The following MYLK variants were observed in gnomAD, a reference collection of about 807,000 sequenced individuals.
The protein encoded by MYLK is myosin light chain kinase.
In MYLK, 106 loss-of-function variants were observed where a neutral mutation model predicts 203.4. The ratio of observed to expected loss-of-function variants is 0.52; its 90% CI spans 0.45 to 0.61. MYLK has a LOEUF of 0.61. MYLK is among the 20% of genes least tolerant of loss of function. The pLI, the probability that MYLK is intolerant of heterozygous loss-of-function variation, is 0.00. For synonymous variants in MYLK, 867 were observed against 959.5 expected (o/e 0.90, Z 1.78); for missense variants, 2,072 against 2,442.3 (o/e 0.85, Z 3.20).
At chr3:123,703,650 G>A (rs1192525354) in intron 16 of MYLK, among the ~76,000 whole-genome samples, 1 of 151,864 alleles carries the variant, frequency 6.6e-6, no homozygotes, top group African/African-American at 2.4e-5. Context: ...CACTTAAAAA[G>A]GCTTATGGAC....
chr3:123,677,312 C>G (rs1037402148), intron 20 of MYLK, among the ~76,000 whole-genome samples: 6 of 152,176 alleles, frequency 3.9e-5, no homozygotes, highest in African/African-American at 1.2e-4. Flanking sequence ...GCAAGGAAGC[C>G]CAAGTCCAGA....
rs958466550 is a variant in MYLK at position 123,856,199 on chromosome 3, T to C, written c.-127+20360A>G. ...ATCTATGACACTTCAGTAGTTTTTC[T>C]TCCTCTTTACCTGGAAAGGAACGCT... is the stretch of plus-strand genomic sequence containing the variant. On this transcript the variant is annotated intron_variant, in intron 2 of 33. Coordinates refer to ENST00000360304, the MANE Select transcript of MYLK (RefSeq NM_053025.4). 4.6e-5 allele frequency among the ~76,000 whole-genome samples: 7 copies of C among 152,220 alleles called. No individual in the cohort carries two copies. In the East Asian group the frequency reaches 1.3e-3, roughly 29 times the overall value.
chr3:123,852,912 C>T (rs2030979678), intron 2 of MYLK, among the ~76,000 whole-genome samples: 1 of 152,140 alleles, frequency 6.6e-6, no homozygotes, highest in South Asian at 2.1e-4. Flanking sequence ...ACCTCGTCTC[C>T]AGTCTCCCCA....
At chr3:123,735,911 C>T (rs977444627) in intron 8 of MYLK, 4 of 159,058 alleles carry the variant, frequency 2.5e-5, no homozygotes, top group Admixed American at 5.9e-5. Flanking sequence ...GCCATCACCA[C>T]GATTAAGGAG....
chr3:123,806,847 T>C (rs1451024057), intron 3 of MYLK, among the ~76,000 whole-genome samples: 1 of 151,932 alleles, frequency 6.6e-6, no homozygotes, highest in African/African-American at 2.4e-5. Context: ...GTATTTTTAG[T>C]AGAGATGGGG....
intron 3 of MYLK, among the ~76,000 whole-genome samples, chr3:123,812,540 G>T (rs1157178411): frequency 2.0e-5 from 3 of 152,180 alleles, no homozygotes; most frequent in African/African-American, 7.2e-5. Flanking sequence ...CTTAACTAGA[G>T]ACTTAAAACA....
intron 4 of MYLK, among the ~76,000 whole-genome samples, chr3:123,786,346 T>C (rs1029907143): frequency 3.3e-5 from 5 of 151,114 alleles, no homozygotes; most frequent in African/African-American, 4.9e-5. Flanking sequence ...GTCTCATATA[T>C]ATATAAAAGT....
intron 4 of MYLK, among the ~76,000 whole-genome samples, chr3:123,787,961 G>A (rs1489448007): frequency 6.6e-6 from 1 of 152,192 alleles, no homozygotes; most frequent in Non-Finnish European, 1.5e-5. Context: ...TACAGCAGAT[G>A]GAAGAAGGGA....
intron 20 of MYLK, among the ~76,000 whole-genome samples, chr3:123,669,174 C>G (rs1000587200): frequency 2.6e-5 from 4 of 152,254 alleles, no homozygotes; most frequent in Non-Finnish European, 5.9e-5. Context: ...ACTGAGATCA[C>G]CGAGCTGATG....
intron 5 of MYLK, among the ~76,000 whole-genome samples, chr3:123,747,710 C>T (rs2063064911): frequency 6.6e-6 from 1 of 152,214 alleles, no homozygotes; most frequent in Admixed American, 6.5e-5. Context: ...TGTGCACATG[C>T]ATTTGCACTA....
chr3:123,882,026 C>G (rs887035257), intron 1 of MYLK, among the ~76,000 whole-genome samples: 1 of 152,204 alleles, frequency 6.6e-6, no homozygotes, highest in Non-Finnish European at 1.5e-5. Context: ...ACCAGTTAGC[C>G]TAGGAATGTT....
At chr3:123,878,189 C>A (rs529969765) in intron 1 of MYLK, among the ~76,000 whole-genome samples, 4 of 152,210 alleles carry the variant, frequency 2.6e-5, no homozygotes, top group Admixed American at 6.5e-5. Flanking sequence ...ACTACCCTTA[C>A]GACCACAGCA....
intron 33 of MYLK, among the ~76,000 whole-genome samples, chr3:123,615,357 A>AGAGT (rs1441507434): frequency 2.0e-5 from 3 of 151,700 alleles, no homozygotes; most frequent in African/African-American, 7.2e-5. Flanking sequence ...TTTTTGAGAC[A>AGAGT]GAGTCTCACT....
At chr3:123,666,830 G>A (rs820325) in intron 21 of MYLK, 426,887 of 573,192 alleles carry the variant, frequency 0.74, 173,280 homozygotes, top group Non-Finnish European at 0.88. Flanking sequence ...GTAGGGCAGA[G>A]GATGGACAGC....
intron 2 of MYLK, among the ~76,000 whole-genome samples, chr3:123,857,778 C>A (rs1194575468): frequency 1.3e-5 from 2 of 151,130 alleles, no homozygotes; most frequent in Non-Finnish European, 2.9e-5. Flanking sequence ...ACACATGTAC[C>A]CTAAAACTTA....
chr3:123,805,901 G>A lies in MYLK; in HGVS notation c.-3-12057C>T, dbSNP rs78018259. Among the ~76,000 whole-genome samples, 93 of 152,244 alleles carry A rather than the reference G, an allele frequency of 6.1e-4. 2 individuals are homozygous for A. The South Asian group carries it at 0.011, about 18-fold the overall frequency. On this transcript the variant is annotated intron_variant, in intron 3 of 33. Coordinates refer to ENST00000360304, the MANE Select transcript of MYLK (RefSeq NM_053025.4). ...ACTCAATACATTGTAACTGTAATAA[G>A]TAATTTCTAACCATGTCTGGCATGT...
chr3:123,679,436 C>T (rs1231414432), intron 20 of MYLK, among the ~76,000 whole-genome samples: 1 of 152,028 alleles, frequency 6.6e-6, no homozygotes, highest in Non-Finnish European at 1.5e-5. Flanking sequence ...AGGGTACAGG[C>T]TTCTGAAGGA....
At chr3:123,631,770 C>T (rs1000047621) in intron 29 of MYLK, among the ~76,000 whole-genome samples, 10 of 152,120 alleles carry the variant, frequency 6.6e-5, no homozygotes, top group Middle Eastern at 3.4e-3. Context: ...GAATCATTCT[C>T]GGTCATGTCC....
At chr3:123,835,254 G>T (rs1392525059) in intron 2 of MYLK, among the ~76,000 whole-genome samples, 1 of 152,202 alleles carries the variant, frequency 6.6e-6, no homozygotes, top group Admixed American at 6.5e-5. Flanking sequence ...TCCTCCAGGT[G>T]ACTCTGATGC....
Sources: gnomAD v4.1 joint callset for allele counts (sites outside exome capture counted in the v4.1 genomes callset) on GRCh38, gnomAD v4.1.1 for gene constraint, MANE v1.5 for transcripts, NCBI Gene and HGNC (gene_info 2026-07-23, HGNC 2026-07-21) for gene names.